The following PNOC variants were observed in gnomAD, a reference collection of about 807,000 sequenced individuals.
PNOC encodes prepronociceptin.
In PNOC, 10 loss-of-function variants were observed where a neutral mutation model predicts 15.6. That is an observed-to-expected ratio of 0.64 (90% CI 0.40 to 1.09). PNOC has a LOEUF of 1.09. Among genes scored for constraint, PNOC ranks in the 50% least tolerant of loss-of-function variants. The probability of loss-of-function intolerance (pLI) is 0.01; values close to 1 mark genes in which losing one functional copy is unlikely to be tolerated. For missense variants in PNOC, 220 were observed against 223.9 expected, an observed-to-expected ratio of 0.98 and a Z score of 0.11; for synonymous variants, 98 against 88.5, an observed-to-expected ratio of 1.11 and a Z score of -0.60.
At chr8:28,342,426 G>C (rs1459900732) in intron 3 of PNOC, among the ~76,000 whole-genome samples, 1 of 151,874 alleles carries the variant, frequency 6.6e-6, no homozygotes, top group East Asian at 1.9e-4. Context: ...AAGGTGTTGG[G>C]GTGCAGGCCC....
At chr8:28,323,583 A>C (rs552190306) in intron 1 of PNOC, among the ~76,000 whole-genome samples, 1 of 152,370 alleles carries the variant, frequency 6.6e-6, no homozygotes, top group African/African-American at 2.4e-5. Context: ...TTTGTAGTTG[A>C]AAGGACTGAC....
Position 28,330,554 on chromosome 8 carries a change from C to T in PNOC, c.126+1271C>T, listed in dbSNP as rs1407102772. On this transcript the variant is annotated intron_variant, in intron 2 of 3. Transcript: ENST00000301908. ...GGACTAAGGTGCCCACCACCACACC[C>T]GGCTACTTTTTTTTTTTTTTTTTTG... is the stretch of plus-strand genomic sequence containing the variant. 4.5e-5 allele frequency among the ~76,000 whole-genome samples: 6 copies of T among 132,144 alleles called. No individual in the cohort carries two copies. In the South Asian group the frequency reaches 9.8e-4, roughly 22 times the overall value. The allele number at this position is 132,144 out of a possible 152,430, so 86.7% of individuals were successfully genotyped here.
At chr8:28,329,338 C>A in intron 2 of PNOC, 55 bp downstream of exon 2, 1 of 1,598,634 alleles carries the variant, frequency 6.3e-7, no homozygotes, top group South Asian at 1.1e-5. Context: ...TACCTCCTCC[C>A]TCCCTACTCC....
chr8:28,328,328 C>T lies in PNOC; in HGVS notation c.-23-807C>T, dbSNP rs184499105. ...CCTGACCTCTAGTGATCCACCTGCC[C>T]TGGCCTCCCAAAGTTCTGGGATTAC... is the stretch of plus-strand genomic sequence containing the variant. On this transcript the variant is annotated intron_variant, in intron 1 of 3. Coordinates refer to ENST00000301908, the MANE Select transcript of PNOC (RefSeq NM_006228.5). Among the ~76,000 whole-genome samples, 8 of 151,558 alleles carry T rather than the reference C, an allele frequency of 5.3e-5. No individual in the cohort carries two copies. The East Asian group carries it at 1.4e-3, about 26-fold the overall frequency.
chr8:28,337,229 G>T lies in PNOC; in HGVS notation c.127-1811G>T, dbSNP rs192671654. 5.4e-3 allele frequency among the ~76,000 whole-genome samples: 822 copies of T among 152,314 alleles called. 25 individuals are homozygous for T. The highest frequency in any genetic ancestry group is 0.047 in the Admixed American group (715 of 15,306). On this transcript the variant is annotated intron_variant, in intron 2 of 3. Transcript: ENST00000301908. ...TCCACATTCCAAACAGAAAGTTGGAGGAAGAGGAAAACGGAATGTTCTTCC... is the reference window on the plus strand; with the variant it reads ...TCCACATTCCAAACAGAAAGTTGGATGAAGAGGAAAACGGAATGTTCTTCC...
chr8:28,320,087 TCTTTC>T (rs1191120905), intron 1 of PNOC, among the ~76,000 whole-genome samples: 37 of 121,260 alleles, frequency 3.1e-4, no homozygotes, highest in African/African-American at 1.5e-3. Context: ...TTTCTTTCTT[TCTTTC>T]TTTTTTTTTT....
At chr8:28,328,986 C>T (rs1156694530) in intron 1 of PNOC, 149 bp from the exon 2 acceptor site, 4 of 725,910 alleles carry the variant, frequency 5.5e-6, no homozygotes, top group Non-Finnish European at 9.2e-6. Flanking sequence ...ACAATTTACA[C>T]CCCTGCAAAG....
At chr8:28,334,089 C>CACACACA in intron 2 of PNOC, among the ~76,000 whole-genome samples, 1 of 148,788 alleles carries the variant, frequency 6.7e-6, no homozygotes, top group African/African-American at 2.5e-5. Flanking sequence ...CACACACACA[C>CACACACA]CAGTTCTGAC....
intron 3 of PNOC, among the ~76,000 whole-genome samples, chr8:28,342,058 T>C (rs913879434): frequency 2.6e-5 from 4 of 152,088 alleles, no homozygotes; most frequent in Admixed American, 6.5e-5. Context: ...AAGAACCCTA[T>C]TCAGGGCCGG....
In PNOC at chr8:28,330,362, C is replaced by CTTTATTTTAT. The variant is rs71549653; in HGVS notation, c.126+1108_126+1117dup. ...TTTAACCACTGAACAGGTATGTGCC[C>CTTTATTTTAT]TTTATTTTATTTTATTTTATTTTAT... On this transcript the variant is annotated intron_variant, in intron 2 of 3. Transcript: ENST00000301908. Among the ~76,000 whole-genome samples, 202 of 108,142 alleles carry CTTTATTTTAT rather than the reference C, an allele frequency of 1.9e-3. 4 individuals are homozygous for CTTTATTTTAT. Among genetic ancestry groups the CTTTATTTTAT allele is most frequent in the African/African-American group, 5.6e-3 (139 of 24,610 alleles). 70.9% of individuals were successfully genotyped at this position (108,142 alleles called of 152,430 possible).
In PNOC at chr8:28,319,613, T is replaced by C. The variant is rs144270127; in HGVS notation, c.-24+2297T>C. Among the ~76,000 whole-genome samples the C allele has an allele frequency of 3.3e-3, 509 of 152,344 alleles. 2 individuals carry two copies. The highest frequency in any genetic ancestry group is 0.011 in the African/African-American group (452 of 41,578). ...TGCTTATTTCATGCTAATACACACATGCACATATGCACACTGGTAGGAATG... is the reference window on the plus strand; with the variant it reads ...TGCTTATTTCATGCTAATACACACACGCACATATGCACACTGGTAGGAATG... On this transcript the variant is annotated intron_variant, in intron 1 of 3. Coordinates refer to ENST00000301908, the MANE Select transcript of PNOC (RefSeq NM_006228.5).
At chr8:28,318,629 T>C (rs912383717) in intron 1 of PNOC, among the ~76,000 whole-genome samples, 1 of 152,230 alleles carries the variant, frequency 6.6e-6, no homozygotes, top group African/African-American at 2.4e-5. Context: ...GAGGCTATGT[T>C]ACCTTTAACA....
chr8:28,340,390 T>C (rs894923920), intron 3 of PNOC, among the ~76,000 whole-genome samples: 9 of 152,222 alleles, frequency 5.9e-5, no homozygotes, highest in Non-Finnish European at 1.3e-4. Context: ...CCTAACTGAT[T>C]GCCTGTTCAT....
chr8:28,327,813 G>A (rs1022824369), intron 1 of PNOC, among the ~76,000 whole-genome samples: 1 of 151,922 alleles, frequency 6.6e-6, no homozygotes, highest in Non-Finnish European at 1.5e-5. Context: ...ACTCTGCCCT[G>A]CCAACAACAG....
intron 2 of PNOC, among the ~76,000 whole-genome samples, chr8:28,330,404 T>TATTTTATTTTATTTTA (rs1563328724): frequency 4.5e-5 from 6 of 133,284 alleles, no homozygotes; most frequent in African/African-American, 1.6e-4. Context: ...TTATTTTTTT[T>TATTTTATTTTATTTTA]TTTTTTTTGA....
intron 3 of PNOC, among the ~76,000 whole-genome samples, chr8:28,341,151 T>C (rs73570767): frequency 0.025 from 3,754 of 152,340 alleles, 165 homozygotes; most frequent in African/African-American, 0.087. Flanking sequence ...CTTGATGATC[T>C]ATTAGTACAT....
intron 2 of PNOC, 26 bp downstream of exon 2, chr8:28,329,309 G>A (rs904021845): frequency 3.7e-6 from 6 of 1,610,304 alleles, no homozygotes; most frequent in Non-Finnish European, 5.1e-6. Flanking sequence ...AAGGCAGAGA[G>A]GCTGTCCTCC....
At chr8:28,322,246 G>C (rs948994675) in intron 1 of PNOC, among the ~76,000 whole-genome samples, 2 of 151,868 alleles carry the variant, frequency 1.3e-5, no homozygotes, top group African/African-American at 4.8e-5. Context: ...AAAAAAATTA[G>C]CCAGGCATGG....
chr8:28,331,724 G>A (rs1356929854), intron 2 of PNOC, among the ~76,000 whole-genome samples: 2 of 152,162 alleles, frequency 1.3e-5, no homozygotes, highest in Non-Finnish European at 2.9e-5. Flanking sequence ...CCTCTGGTAA[G>A]AGAACATTGC....
Sources: gnomAD v4.1 joint callset for allele counts (sites outside exome capture counted in the v4.1 genomes callset) on GRCh38, gnomAD v4.1.1 for gene constraint, MANE v1.5 for transcripts, NCBI Gene and HGNC (gene_info 2026-07-23, HGNC 2026-07-21) for gene names.